The following LHPP variants were observed in gnomAD, a reference collection of about 807,000 sequenced individuals.
The protein encoded by LHPP is hLHPP.
Under a neutral mutation model 30.3 loss-of-function variants are expected in LHPP, and 24 were observed. The observed-to-expected ratio is 0.79, with a 90% CI of 0.57 to 1.11. The LOEUF (loss-of-function observed/expected upper bound fraction) is 1.11. Among genes scored for constraint, LHPP ranks in the 50% most tolerant of loss-of-function variants. LHPP has a pLI of 0.00. For missense variants in LHPP, 356 were observed against 367.2 expected (o/e 0.97, Z 0.25); for synonymous variants, 150 against 157.1 (o/e 0.95, Z 0.34).
At chr10:124,598,712 T>G (rs940222770) in intron 6 of LHPP, among the ~76,000 whole-genome samples, 4 of 151,936 alleles carry the variant, frequency 2.6e-5, no homozygotes, top group African/African-American at 9.7e-5. Flanking sequence ...CGTGTCCATC[T>G]GTCTACCCGT....
At chr10:124,522,027 AAG>A (rs1333540386) in intron 6 of LHPP, among the ~76,000 whole-genome samples, 2 of 152,108 alleles carry the variant, frequency 1.3e-5, no homozygotes, top group African/African-American at 4.8e-5. Context: ...AAATGGCCCA[AAG>A]AGAGTGAAGC....
At chr10:124,551,865 C>T (rs887641348) in intron 6 of LHPP, among the ~76,000 whole-genome samples, 6 of 152,054 alleles carry the variant, frequency 3.9e-5, no homozygotes, top group Non-Finnish European at 5.9e-5. Context: ...ACCACGGAGG[C>T]GCACGCAGGA....
intron 5 of LHPP, chr10:124,498,517 A>C (rs1310181265): frequency 7.0e-6 from 10 of 1,429,662 alleles, no homozygotes; most frequent in Middle Eastern, 2.1e-4. Context: ...CGACCTTTAT[A>C]TTTTGACTAT....
intron 6 of LHPP, among the ~76,000 whole-genome samples, chr10:124,547,961 C>T (rs1955394215): frequency 6.6e-6 from 1 of 152,214 alleles, no homozygotes; most frequent in Admixed American, 6.5e-5. Context: ...TCTGGGCTCC[C>T]GCCCACCGCC....
At chr10:124,466,004 C>T (rs1482501639) in intron 1 of LHPP, among the ~76,000 whole-genome samples, 6 of 152,166 alleles carry the variant, frequency 3.9e-5, no homozygotes, top group East Asian at 1.9e-4. Context: ...GCAGAAGATA[C>T]ATTTGACATT....
intron 1 of LHPP, 134 bp from the exon 2 acceptor site, chr10:124,484,005 C>T (rs1188731417): frequency 1.3e-6 from 1 of 751,498 alleles, no homozygotes. Context: ...CAGCCAGGAC[C>T]CCCTCAGGGG....
At chr10:124,543,386 G>A (rs1327271090) in intron 6 of LHPP, among the ~76,000 whole-genome samples, 1 of 152,262 alleles carries the variant, frequency 6.6e-6, no homozygotes, top group Non-Finnish European at 1.5e-5. Context: ...TTCCAGCGAG[G>A]ACAGTGCAGG....
intron 2 of LHPP, among the ~76,000 whole-genome samples, chr10:124,484,696 G>GAGAA (rs1491076679): frequency 1.4e-5 from 2 of 145,200 alleles, no homozygotes; most frequent in South Asian, 2.2e-4. Context: ...GAGAGAGAGA[G>GAGAA]AAAATGAGAA....
At chr10:124,566,817 T>C (rs1589870524) in intron 6 of LHPP, among the ~76,000 whole-genome samples, 2 of 152,074 alleles carry the variant, frequency 1.3e-5, no homozygotes, top group Admixed American at 1.3e-4. Context: ...TGGGATTCTG[T>C]TGGATTTCCC....
intron 6 of LHPP, among the ~76,000 whole-genome samples, chr10:124,575,798 C>T (rs1048999484): frequency 2.6e-5 from 4 of 152,142 alleles, no homozygotes; most frequent in African/African-American, 9.7e-5. Flanking sequence ...TCCCGGTCCC[C>T]CACACCCTGA....
intron 3 of LHPP, 97 bp downstream of exon 3, chr10:124,488,672 G>A: frequency 9.7e-7 from 1 of 1,028,276 alleles, no homozygotes; most frequent in Non-Finnish European, 1.4e-6. Context: ...TGCAGAAGGG[G>A]AGGTGGGAGG....
At chr10:124,564,639 G>A (rs1948460674) in intron 6 of LHPP, among the ~76,000 whole-genome samples, 1 of 152,168 alleles carries the variant, frequency 6.6e-6, no homozygotes. Context: ...CTAGGCATGA[G>A]TATTCGGAGC....
intron 6 of LHPP, among the ~76,000 whole-genome samples, chr10:124,588,917 A>T (rs914528341): frequency 1.3e-5 from 2 of 152,234 alleles, no homozygotes; most frequent in African/African-American, 4.8e-5. Flanking sequence ...GGCAAAGGTT[A>T]GGGAAAACCA....
intron 3 of LHPP, among the ~76,000 whole-genome samples, chr10:124,493,539 T>C (rs973543110): frequency 1.3e-5 from 2 of 152,218 alleles, no homozygotes; most frequent in African/African-American, 4.8e-5. Flanking sequence ...ATTTCTTCTG[T>C]CATGCCGCTC....
chr10:124,518,465 C>T (rs1449980600), intron 6 of LHPP, among the ~76,000 whole-genome samples: 3 of 152,208 alleles, frequency 2.0e-5, no homozygotes, highest in Non-Finnish European at 4.4e-5. Context: ...TGACAGCGGA[C>T]CTCGGGGCCC....
rs182308290 is a variant in LHPP, at chr10:124,513,409, T to G, written c.625-3771T>G. On this transcript the variant is annotated intron_variant, in intron 5 of 6. Transcript: ENST00000368842. ...AGTGAGAGGAGCTGGTTGGTGGTGG[T>G]TTTTTTTTCTTTAAAATTATTATTA... 4.3e-4 allele frequency among the ~76,000 whole-genome samples: 64 copies of G among 150,186 alleles called. 1 individual carries two copies. The highest frequency in any genetic ancestry group is 1.9e-3 in the Admixed American group (28 of 15,106).
intron 1 of LHPP, among the ~76,000 whole-genome samples, chr10:124,481,260 A>G (rs1285776408): frequency 2.0e-5 from 3 of 152,062 alleles, no homozygotes; most frequent in Non-Finnish European, 4.4e-5. Flanking sequence ...GGTGGGAGGA[A>G]GGGACATTGG....
chr10:124,528,368 T>C (rs1411219801), intron 6 of LHPP, among the ~76,000 whole-genome samples: 1 of 151,100 alleles, frequency 6.6e-6, no homozygotes, highest in Non-Finnish European at 1.5e-5. Context: ...TATTATTTTA[T>C]TTTTTTTTGA....
At chr10:124,581,939 A>G (rs34338418) in intron 6 of LHPP, among the ~76,000 whole-genome samples, 40,241 of 150,748 alleles carry the variant, frequency 0.27, 5,385 homozygotes, top group East Asian at 0.35. Flanking sequence ...CCACCACCAC[A>G]CCCAGCTAAT....
Sources: allele counts gnomAD v4.1 joint callset (sites outside exome capture counted in the v4.1 genomes callset), GRCh38; gene constraint gnomAD v4.1.1; transcripts MANE v1.5; gene names NCBI Gene and HGNC (gene_info 2026-07-23, HGNC 2026-07-21).